The following ERI1 variants were observed in gnomAD, a reference collection of about 807,000 sequenced individuals.
ERI1 encodes exoribonuclease 1.
A neutral mutation model predicts 39.7 loss-of-function variants in ERI1; 39 were observed. The observed-to-expected ratio is 0.98, with a 90% CI of 0.76 to 1.28. The LOEUF (loss-of-function observed/expected upper bound fraction) is 1.28. Ranked by LOEUF, ERI1 falls within the 50% of genes most tolerant of loss-of-function variation. The pLI, the probability that ERI1 is intolerant of heterozygous loss-of-function variation, is 0.00. For synonymous variants in ERI1, 204 were observed against 149.6 expected (o/e 1.36, Z -2.65); for missense variants, 581 against 416.9 (o/e 1.39, Z -3.43).
intron 6 of ERI1, among the ~76,000 whole-genome samples, chr8:9,026,947 A>G (rs1345658040): frequency 6.6e-6 from 1 of 152,080 alleles, no homozygotes; most frequent in Non-Finnish European, 1.5e-5. Flanking sequence ...ATGAACATGG[A>G]TGTACAGATA....
chr8:9,078,015 A>C (rs1440330916), intron 3 of ERI1, among the ~76,000 whole-genome samples: 1 of 152,068 alleles, frequency 6.6e-6, no homozygotes, highest in Admixed American at 6.6e-5. Context: ...TTTGAGACAG[A>C]GTCTCGCTTT....
rs537090274 is a variant in ERI1 at position 9,062,035 on chromosome 8, G to GA, written n.299+41571_299+41572insA. Among the ~76,000 whole-genome samples the GA allele has an allele frequency of 3.6e-3, 547 of 152,296 alleles. 3 individuals carry two copies. Among genetic ancestry groups the GA allele is most frequent in the African/African-American group, 0.012 (519 of 41,530 alleles). On this transcript the variant is annotated intron_variant and non_coding_transcript_variant, in intron 3 of 3. Coordinates refer to the ERI1 transcript ENST00000518663. ...AAAACAATTTGGTTGATAAGGCACA[G>GA]TCTTGAACTAACCTGTAAACTTTGT...
chr8:9,026,232 C>A (rs1818460656), intron 6 of ERI1, among the ~76,000 whole-genome samples: 1 of 152,160 alleles, frequency 6.6e-6, no homozygotes, highest in Admixed American at 6.5e-5. Context: ...AATGCCCACC[C>A]TGTATAACAC....
At chr8:9,025,902 C>T (rs1013255705) in intron 6 of ERI1, among the ~76,000 whole-genome samples, 3 of 152,006 alleles carry the variant, frequency 2.0e-5, no homozygotes, top group Admixed American at 2.0e-4. Flanking sequence ...TTCATATATA[C>T]CTCATACACA....
intron 2 of ERI1, 136 bp from the exon 3 acceptor site, chr8:9,011,406 T>C: frequency 2.0e-6 from 1 of 507,648 alleles, no homozygotes; most frequent in South Asian, 3.8e-5. Context: ...GTCTTGCTTT[T>C]CTTACATTTA....
intron 3 of ERI1, among the ~76,000 whole-genome samples, chr8:9,071,639 G>T (rs560859851): frequency 6.6e-6 from 1 of 152,218 alleles, no homozygotes; most frequent in Non-Finnish European, 1.5e-5. Context: ...ACAGGGAAAC[G>T]GGAGAAGTCC....
intron 3 of ERI1, among the ~76,000 whole-genome samples, chr8:9,058,968 CT>C (rs1191483868): frequency 6.6e-6 from 1 of 152,024 alleles, no homozygotes; most frequent in African/African-American, 2.4e-5. Flanking sequence ...AGCAATAAGG[CT>C]GTTTATTTCA....
At chr8:9,020,809 ATAT>A (rs1165253625) in intron 6 of ERI1, among the ~76,000 whole-genome samples, 1 of 152,212 alleles carries the variant, frequency 6.6e-6, no homozygotes, top group Non-Finnish European at 1.5e-5. Context: ...AATGTTTAAA[ATAT>A]TATTGCAAGA....
chr8:9,031,253 C>G lies in ERI1; in HGVS notation c.*1219C>G, dbSNP rs896327387. 4.6e-5 allele frequency: 7 copies of G among 152,074 alleles called. No individual in the cohort carries two copies. The highest frequency in any genetic ancestry group is 1.7e-4 in the African/African-American group (7 of 41,406). 9.4% of individuals were successfully genotyped at this position (152,074 alleles called of 1,614,324 possible). On this transcript the variant is annotated 3_prime_UTR_variant, in exon 7 of 7. Coordinates refer to ENST00000250263, the MANE Select transcript of ERI1 (RefSeq NM_153332.4). ...TGAATTTCCTCAAAGGTTTCCAAAC[C>G]TATATCATATAGGGTGAAAAGCAGG...
At chr8:9,016,201 G>T in intron 3 of ERI1, 121 bp from the exon 4 acceptor site, 2 of 467,410 alleles carry the variant, frequency 4.3e-6, no homozygotes, top group Non-Finnish European at 7.7e-6. Context: ...TTAAAAACTG[G>T]AAGGGTTTAT....
At chr8:9,097,296 T>C (rs1799907187) in intron 3 of ERI1, among the ~76,000 whole-genome samples, 1 of 152,250 alleles carries the variant, frequency 6.6e-6, no homozygotes. Context: ...CGAGTGTTTT[T>C]GTGCTAGGCA....
Position 9,018,370 on chromosome 8 carries a change from T to G in ERI1, c.656T>G (p.Leu219Ter). 6.2e-7 allele frequency: 1 copy of G among 1,609,232 alleles called. No homozygotes were observed. The highest frequency in any genetic ancestry group is 8.5e-7 in the Non-Finnish European group (1 of 1,175,734). ...ATTGACTGGATGAAATTGAAGGAAT[T>G]AGGAACAAAGTATAAATACTCACTT... ...KVIDWMKLKE[L>*]GTKYKYSLLT... Residue 219 changes from leucine (L) to a stop codon, truncating the protein, a stop_gained, in exon 5 of 7, where the codon TTA becomes TGA. Transcript: ENST00000250263. LOFTEE classifies it high-confidence loss of function.
intron 3 of ERI1, among the ~76,000 whole-genome samples, chr8:9,048,875 G>T (rs999028170): frequency 6.6e-6 from 1 of 151,820 alleles, no homozygotes; most frequent in East Asian, 2.0e-4. Context: ...TGAACTCCTG[G>T]GCTCAAAAAA....
intron 3 of ERI1, among the ~76,000 whole-genome samples, chr8:9,080,521 C>G (rs1457965177): frequency 6.6e-6 from 1 of 152,246 alleles, no homozygotes; most frequent in Non-Finnish European, 1.5e-5. Context: ...TGACACTTCT[C>G]CAGTTCCTGA....
chr8:9,019,712 A>C (rs972794189), intron 5 of ERI1, among the ~76,000 whole-genome samples: 2 of 152,218 alleles, frequency 1.3e-5, no homozygotes, highest in Non-Finnish European at 2.9e-5. Context: ...TATAGTTGAC[A>C]GTATTATAAG....
rs963287563 is a variant in ERI1, at chr8:9,031,781, A to G, written c.*1747A>G. 1.3e-5 allele frequency: 2 copies of G among 152,224 alleles called. No individual in the cohort carries two copies. The highest frequency in any genetic ancestry group is 2.9e-5 in the Non-Finnish European group (2 of 68,050). The allele number at this position is 152,224 out of a possible 1,614,324, so 9.4% of individuals were successfully genotyped here. On this transcript the variant is annotated 3_prime_UTR_variant, in exon 7 of 7. Coordinates refer to ENST00000250263, the MANE Select transcript of ERI1 (RefSeq NM_153332.4). ...TTTTGTTGTTGTTGTTGTTTGAGACAGAGTTTTTGCTCGTCTGCCAGGATG... is the reference window on the plus strand; with the variant it reads ...TTTTGTTGTTGTTGTTGTTTGAGACGGAGTTTTTGCTCGTCTGCCAGGATG...
chr8:9,093,087 C>A (rs1799758375), intron 3 of ERI1, among the ~76,000 whole-genome samples: 1 of 152,164 alleles, frequency 6.6e-6, no homozygotes, highest in Non-Finnish European at 1.5e-5. Flanking sequence ...TAGATCAAGT[C>A]CCACCCTATT....
chr8:9,064,680 GT>G (rs1394544953), intron 3 of ERI1, among the ~76,000 whole-genome samples: 1 of 152,186 alleles, frequency 6.6e-6, no homozygotes, highest in Non-Finnish European at 1.5e-5. Context: ...CCTTGGGCTG[GT>G]GGGTCTGAGG....
rs111806920 is a variant in ERI1 at position 9,061,947 on chromosome 8, A to G, written n.299+41483A>G. 6.1e-3 allele frequency among the ~76,000 whole-genome samples: 931 copies of G among 151,940 alleles called. 13 individuals carry two copies. Among genetic ancestry groups the G allele is most frequent in the African/African-American group, 0.021 (877 of 41,316 alleles). Reference sequence around the variant, plus strand: ...TTTGAGATCCAGAACAGAATAATGGATTGTGGAGGGAGGCATTGAGGATAG... The same window carrying G: ...TTTGAGATCCAGAACAGAATAATGGGTTGTGGAGGGAGGCATTGAGGATAG... On this transcript the variant is annotated intron_variant and non_coding_transcript_variant, in intron 3 of 3. Transcript: ENST00000518663.
Sources: allele counts gnomAD v4.1 joint callset (sites outside exome capture counted in the v4.1 genomes callset), GRCh38; gene constraint gnomAD v4.1.1; transcripts MANE v1.5; gene names NCBI Gene and HGNC (gene_info 2026-07-23, HGNC 2026-07-21).